Variants in ANKH observed in about 807,000 individuals in gnomAD.
ANKH encodes ANKH inorganic pyrophosphate transport regulator.
A neutral mutation model predicts 49.0 loss-of-function variants in ANKH; 15 were observed. The observed-to-expected ratio is 0.31, with a 90% confidence interval of 0.20 to 0.47. The LOEUF (loss-of-function observed/expected upper bound fraction) is 0.47. ANKH is among the 20% of genes least tolerant of loss of function. ANKH has a pLI of 1.00. For missense variants in ANKH, 429 were observed against 652.0 expected (o/e 0.66, Z 3.72); for synonymous variants, 273 against 260.0 (o/e 1.05, Z -0.48).
intron 1 of ANKH, among the ~76,000 whole-genome samples, chr5:14,861,819 T>C (rs1042535401): frequency 6.6e-6 from 1 of 152,248 alleles, no homozygotes; most frequent in African/African-American, 2.4e-5. Context: ...AGTCTGTCCC[T>C]AGGGACCCTG....
intron 1 of ANKH, among the ~76,000 whole-genome samples, chr5:14,778,661 T>C (rs1739709775): frequency 6.6e-6 from 1 of 152,148 alleles, no homozygotes; most frequent in Non-Finnish European, 1.5e-5. Context: ...CCACTTTCCC[T>C]CTCATCGCTC....
chr5:14,791,259 C>G (rs1006484425), intron 1 of ANKH, among the ~76,000 whole-genome samples: 1 of 152,042 alleles, frequency 6.6e-6, no homozygotes, highest in Non-Finnish European at 1.5e-5. Context: ...CTGGGGTGGG[C>G]GCATGAGCTC....
intron 11 of ANKH, 84 bp from the exon 12 acceptor site, chr5:14,711,394 G>T (rs560295224): frequency 1.7e-6 from 2 of 1,203,986 alleles, no homozygotes; most frequent in Admixed American, 3.4e-5. Context: ...CAACACCGGG[G>T]TCTTGGGGGA....
At chr5:14,838,242 C>T (rs768290746) in intron 1 of ANKH, among the ~76,000 whole-genome samples, 1 of 151,796 alleles carries the variant, frequency 6.6e-6, no homozygotes, top group Non-Finnish European at 1.5e-5. Flanking sequence ...TGCACATGTA[C>T]CCTAGAACTT....
At chr5:14,764,326 T>C (rs1467968286) in intron 2 of ANKH, among the ~76,000 whole-genome samples, 1 of 152,120 alleles carries the variant, frequency 6.6e-6, no homozygotes, top group Admixed American at 6.5e-5. Context: ...AGCCGTCATG[T>C]GTGCTTCTGT....
chr5:14,863,911 T>C (rs541497665), intron 1 of ANKH, among the ~76,000 whole-genome samples: 76 of 152,188 alleles, frequency 5.0e-4, no homozygotes, highest in Non-Finnish European at 9.4e-4. Flanking sequence ...TATCACACTG[T>C]ACCCTTTAAA....
intron 8 of ANKH, among the ~76,000 whole-genome samples, chr5:14,728,833 C>A (rs1459704211): frequency 6.6e-6 from 1 of 152,204 alleles, no homozygotes; most frequent in South Asian, 2.1e-4. Context: ...AGAACTGACA[C>A]GCCTTACTGA....
At chr5:14,852,700 T>C (rs1271227920) in intron 1 of ANKH, among the ~76,000 whole-genome samples, 4 of 152,120 alleles carry the variant, frequency 2.6e-5, no homozygotes, top group African/African-American at 9.7e-5. Context: ...TACTATACTT[T>C]AAATTATATC....
chr5:14,854,404 G>C (rs1478351269), intron 1 of ANKH, among the ~76,000 whole-genome samples: 2 of 152,212 alleles, frequency 1.3e-5, no homozygotes, highest in Non-Finnish European at 2.9e-5. Flanking sequence ...TGGTAGCCGG[G>C]CATGGTGGCT....
chr5:14,789,174 G>A (rs2126541010), intron 1 of ANKH, among the ~76,000 whole-genome samples: 1 of 152,238 alleles, frequency 6.6e-6, no homozygotes, highest in Non-Finnish European at 1.5e-5. Flanking sequence ...GTTATAATGA[G>A]CCAAGATTGC....
chr5:14,850,725 G>A (rs1742100315), intron 1 of ANKH, among the ~76,000 whole-genome samples: 1 of 152,256 alleles, frequency 6.6e-6, no homozygotes, highest in Non-Finnish European at 1.5e-5. Flanking sequence ...GGCAAGCTGA[G>A]CAATCTAATC....
chr5:14,793,218 AGGCT>A (rs1387784560), intron 1 of ANKH, among the ~76,000 whole-genome samples: 3 of 151,012 alleles, frequency 2.0e-5, no homozygotes, highest in Non-Finnish European at 4.4e-5. Flanking sequence ...CAGCAGAGCC[AGGCT>A]GCCTTGGACT....
intron 2 of ANKH, among the ~76,000 whole-genome samples, chr5:14,762,101 G>C (rs540937307): frequency 2.0e-5 from 3 of 152,058 alleles, no homozygotes; most frequent in Non-Finnish European, 4.4e-5. Context: ...AACAAAGGCC[G>C]AAAGGAGCAC....
rs972353741 is a variant in ANKH at position 14,799,540 on chromosome 5, A to C, written c.97-30349T>G. ...GGGGCTAATGCAGGTGGCGAACTTA[A>C]GCTGACGCCAATGCTCATTTACCAT... On this transcript the variant is annotated intron_variant, in intron 1 of 11. Transcript: ENST00000284268. 3.9e-5 allele frequency among the ~76,000 whole-genome samples: 6 copies of C among 152,316 alleles called. No homozygotes were observed. In the Middle Eastern group the frequency reaches 0.01, roughly 259 times the overall value.
At chr5:14,720,696 TAGAG>T (rs1220679025) in intron 8 of ANKH, among the ~76,000 whole-genome samples, 1 of 152,362 alleles carries the variant, frequency 6.6e-6, no homozygotes, top group African/African-American at 2.4e-5. Context: ...ATCTAAGGGT[TAGAG>T]AGAGACCTAG....
intron 8 of ANKH, among the ~76,000 whole-genome samples, chr5:14,736,528 G>C (rs1259723580): frequency 6.6e-6 from 1 of 152,174 alleles, no homozygotes; most frequent in African/African-American, 2.4e-5. Context: ...GGGCCCCAGG[G>C]TCTCTGGGGC....
intron 1 of ANKH, among the ~76,000 whole-genome samples, chr5:14,803,864 AC>A (rs1740630714): frequency 6.6e-6 from 1 of 152,054 alleles, no homozygotes; most frequent in Non-Finnish European, 1.5e-5. Flanking sequence ...TCCTGTGATC[AC>A]CTTACATAGC....
chr5:14,726,938 G>A (rs1266802307), intron 8 of ANKH, among the ~76,000 whole-genome samples: 2 of 152,238 alleles, frequency 1.3e-5, no homozygotes, highest in Admixed American at 6.5e-5. Context: ...GATACAGCAC[G>A]TGAGGGGATG....
At chr5:14,718,667 G>C (rs749177525) in intron 8 of ANKH, among the ~76,000 whole-genome samples, 2 of 151,910 alleles carry the variant, frequency 1.3e-5, no homozygotes, top group Non-Finnish European at 2.9e-5. Flanking sequence ...AAAATTAACC[G>C]GGCATGGTGG....
Sources: allele counts gnomAD v4.1 joint callset (sites outside exome capture counted in the v4.1 genomes callset), GRCh38; gene constraint gnomAD v4.1.1; transcripts MANE v1.5; gene names NCBI Gene and HGNC (gene_info 2026-07-23, HGNC 2026-07-21).